Variants in PGM5 observed in about 807,000 individuals in gnomAD.
The protein encoded by PGM5 is phosphoglucomutase 5.
A neutral mutation model predicts 59.2 loss-of-function variants in PGM5; 23 were observed. That is an observed-to-expected ratio of 0.39 (90% CI 0.28 to 0.55). The LOEUF (loss-of-function observed/expected upper bound fraction) is 0.55, where lower values mean the gene tolerates loss of function less well. PGM5 is among the 20% of genes least tolerant of loss of function. The pLI is 0.66. For missense variants in PGM5, 574 were observed against 748.3 expected, an observed-to-expected ratio of 0.77 and a Z score of 2.72; for synonymous variants, 214 against 286.0, an observed-to-expected ratio of 0.75 and a Z score of 2.54.
chr9:68,416,486 G>C (rs1283091696), intron 6 of PGM5, among the ~76,000 whole-genome samples: 2 of 152,080 alleles, frequency 1.3e-5, no homozygotes, highest in African/African-American at 2.4e-5. Context: ...CCCTACCTGT[G>C]TTCTCTTCAT....
At position 68,398,340 on chromosome 9, in the gene PGM5, A is replaced by T. The variant is rs534064870; in HGVS notation, c.1043+5867A>T. The T allele has an allele frequency of 7.3e-3, 1,104 of 152,244 alleles. 13 individuals are homozygous for T. The highest frequency in any genetic ancestry group is 0.026 in the African/African-American group (1,074 of 41,546). 9.4% of individuals were successfully genotyped at this position (152,244 alleles called of 1,614,324 possible). On this transcript the variant is annotated intron_variant, in intron 6 of 10. Transcript: ENST00000396396. Reference sequence around the variant, plus strand: ...CAGGAAAGAGATGGCACCCTCAAAAAGGTCTTACTAAAGAGAATTTAGTAA... The same window carrying T: ...CAGGAAAGAGATGGCACCCTCAAAATGGTCTTACTAAAGAGAATTTAGTAA...
chr9:68,434,670 C>T (rs1297322734), intron 6 of PGM5, among the ~76,000 whole-genome samples: 2 of 151,928 alleles, frequency 1.3e-5, no homozygotes, highest in Non-Finnish European at 2.9e-5. Context: ...GCTGGGTGTG[C>T]TGGCAGGCGC....
chr9:68,421,295 C>T (rs1823125294), intron 6 of PGM5, among the ~76,000 whole-genome samples: 1 of 152,178 alleles, frequency 6.6e-6, no homozygotes, highest in African/African-American at 2.4e-5. Flanking sequence ...TGTTGGGTGG[C>T]TCCAGCCTCA....
chr9:68,376,853 C>CT (rs1821924839), intron 1 of PGM5, among the ~76,000 whole-genome samples: 1 of 86,650 alleles, frequency 1.2e-5, no homozygotes, highest in Non-Finnish European at 2.4e-5. Flanking sequence ...CTTTCTTTCT[C>CT]TTTCTTTCTT....
chr9:68,378,178 T>G (rs781838497), intron 1 of PGM5, 21 bp from the exon 2 acceptor site: 4 of 1,485,970 alleles, frequency 2.7e-6, no homozygotes, highest in East Asian at 2.4e-5. Context: ...CTGGATTGAT[T>G]TTTTTTTTTG....
At position 68,407,921 on chromosome 9, in the gene PGM5, G is replaced by A. The variant is rs143325988; in HGVS notation, c.1043+15448G>A. Among the ~76,000 whole-genome samples, 379 of 152,222 alleles carry A rather than the reference G, an allele frequency of 2.5e-3. 2 individuals carry two copies. Among genetic ancestry groups the A allele is most frequent in the African/African-American group, 8.5e-3 (354 of 41,536 alleles). The stretch of plus-strand genomic sequence containing the variant: ...ACTCCTTTGTTACTAATATAACACC[G>A]GCTACTTTCTTTAACAATTAACATC... On this transcript the variant is annotated intron_variant, in intron 6 of 10. Coordinates refer to ENST00000396396, the MANE Select transcript of PGM5 (RefSeq NM_021965.4).
Position 68,391,709 on chromosome 9 carries a change from A to G in PGM5, c.873A>G (p.Ala291=), listed in dbSNP as rs782510057. The stretch of plus-strand genomic sequence containing the variant: ...GAGGAGAATATGGATTTGGAGCTGC[A>G]TTTGATGCTGATGGGGTAAGTAGGA... ...MKGGEYGFGA[A]FDADGDRYMI... Residue 291 remains alanine, a synonymous_variant, in exon 5 of 11, where the codon GCA becomes GCG. Coordinates refer to ENST00000396396, the MANE Select transcript of PGM5 (RefSeq NM_021965.4). 209 of 1,612,950 alleles carry G rather than the reference A, an allele frequency of 1.3e-4. No individual in the cohort carries two copies. The highest frequency in any genetic ancestry group is 1.7e-4 in the Non-Finnish European group (200 of 1,179,300).
intron 5 of PGM5, 80 bp from the exon 6 acceptor site, chr9:68,392,239 A>G (rs1822382498): frequency 1.3e-6 from 2 of 1,542,792 alleles, no homozygotes; most frequent in South Asian, 2.3e-5. Flanking sequence ...AGATGGCAGT[A>G]AAGTGGATTG....
chr9:68,443,589 C>T (rs1243761005), intron 6 of PGM5, among the ~76,000 whole-genome samples: 9 of 152,214 alleles, frequency 5.9e-5, no homozygotes, highest in African/African-American at 2.2e-4. Context: ...TCTGGAGCAA[C>T]TACCAATGCT....
chr9:68,418,920 A>G (rs11142075), intron 6 of PGM5, among the ~76,000 whole-genome samples: 7,154 of 152,154 alleles, frequency 0.047, 582 homozygotes, highest in East Asian at 0.4. Flanking sequence ...CCGCAGGAGG[A>G]ACCAGGCTTA....
intron 7 of PGM5, among the ~76,000 whole-genome samples, 191 bp from the exon 8 acceptor site, chr9:68,479,227 A>G (rs1434147374): frequency 1.3e-5 from 2 of 152,072 alleles, no homozygotes; most frequent in East Asian, 3.9e-4. Context: ...TTTTTTTACT[A>G]TTTTATTTGA....
In PGM5 at chr9:68,529,883, A is replaced by C; in HGVS notation, c.*227A>C. On this transcript the variant is annotated 3_prime_UTR_variant, in exon 11 of 11. Transcript: ENST00000396396. ...GCCTTTAGTTGTCTGTTAAAGCTGC[A>C]CTATAATTTGGTATCTACATTTTAT... 1 of 419,370 alleles carries C rather than the reference A, an allele frequency of 2.4e-6. No homozygotes were observed. Among genetic ancestry groups the C allele is most frequent in the Non-Finnish European group, 4.2e-6 (1 of 236,408 alleles). The allele number at this position is 419,370 out of a possible 1,614,324, so 26.0% of individuals were successfully genotyped here.
At chr9:68,479,871 C>T (rs1554686994) in intron 8 of PGM5, among the ~76,000 whole-genome samples, 1 of 148,738 alleles carries the variant, frequency 6.7e-6, no homozygotes, top group Non-Finnish European at 1.5e-5. Flanking sequence ...AAGGCGGAGC[C>T]GAGATCCCGC....
rs545049100 is a variant in PGM5 at position 68,445,353 on chromosome 9, C to T, written c.1044-19740C>T. On this transcript the variant is annotated intron_variant, in intron 6 of 10. Coordinates refer to ENST00000396396, the MANE Select transcript of PGM5 (RefSeq NM_021965.4). ...CAATGCAGGTGATCAAAGCTAAAGA[C>T]CTGCACACCATCTGTTTGATTCCCA... Among the ~76,000 whole-genome samples the T allele has an allele frequency of 2.0e-5, 3 of 152,316 alleles. No individual in the cohort carries two copies. The South Asian group carries it at 6.2e-4, about 32-fold the overall frequency.
At chr9:68,425,169 A>T (rs1823213375) in intron 6 of PGM5, among the ~76,000 whole-genome samples, 1 of 152,200 alleles carries the variant, frequency 6.6e-6, no homozygotes, top group African/African-American at 2.4e-5. Context: ...AAGCAAAAAC[A>T]CAAGTTTAGG....
chr9:68,519,651 T>TA (rs1008709955), intron 10 of PGM5, among the ~76,000 whole-genome samples: 31 of 137,382 alleles, frequency 2.3e-4, no homozygotes, highest in South Asian at 1.6e-3. Flanking sequence ...TAAAGTATAA[T>TA]AAAAAAAAAT....
intron 10 of PGM5, among the ~76,000 whole-genome samples, chr9:68,526,271 C>T (rs265073): frequency 0.054 from 8,277 of 152,204 alleles, 677 homozygotes; most frequent in East Asian, 0.35. Context: ...TCATATTTCC[C>T]GGAAGGCAGA....
intron 1 of PGM5, among the ~76,000 whole-genome samples, chr9:68,359,608 T>G (rs1288306252): frequency 6.6e-6 from 1 of 152,240 alleles, no homozygotes; most frequent in Non-Finnish European, 1.5e-5. Context: ...GAGAATGTGC[T>G]TGTCTCCTGA....
intron 6 of PGM5, among the ~76,000 whole-genome samples, 156 bp from the exon 7 acceptor site, chr9:68,464,937 C>T (rs1444654194): frequency 6.6e-6 from 1 of 152,054 alleles, no homozygotes; most frequent in Non-Finnish European, 1.5e-5. Flanking sequence ...TATTTTCTAA[C>T]TTATGGCTTG....
Sources: gnomAD v4.1 joint callset for allele counts (sites outside exome capture counted in the v4.1 genomes callset) on GRCh38, gnomAD v4.1.1 for gene constraint, MANE v1.5 for transcripts, NCBI Gene and HGNC (gene_info 2026-07-23, HGNC 2026-07-21) for gene names.